Variants in CCSER1 observed in about 807,000 individuals in gnomAD.
CCSER1 encodes coiled-coil serine rich protein 1.
A neutral mutation model predicts 82.0 loss-of-function variants in CCSER1; 41 were observed. That is an observed-to-expected ratio of 0.50 (90% CI 0.39 to 0.65). The LOEUF (loss-of-function observed/expected upper bound fraction) is 0.65, where lower values mean the gene tolerates loss of function less well. Ranked by LOEUF, CCSER1 falls within the 30% of genes least tolerant of loss-of-function variation. The pLI is 0.00. For missense variants in CCSER1, 1,119 were observed against 1,064.2 expected (o/e 1.05, Z -0.72); for synonymous variants, 414 against 383.9 (o/e 1.08, Z -0.92).
intron 10 of CCSER1, among the ~76,000 whole-genome samples, chr4:91,539,242 T>C (rs1309757626): frequency 1.3e-5 from 2 of 152,078 alleles, no homozygotes; most frequent in Non-Finnish European, 2.9e-5. Context: ...TTAACTTGTG[T>C]TTGATTAATA....
At chr4:90,504,762 T>C (rs1335753570) in intron 5 of CCSER1, among the ~76,000 whole-genome samples, 1 of 152,068 alleles carries the variant, frequency 6.6e-6, no homozygotes, top group Non-Finnish European at 1.5e-5. Flanking sequence ...GACTTTAGGA[T>C]AGAAAACAAG....
intron 1 of CCSER1, among the ~76,000 whole-genome samples, chr4:90,271,848 ATATATATATATATATTTTTT>A (rs1451338493): frequency 8.6e-5 from 2 of 23,352 alleles, no homozygotes; most frequent in East Asian, 1.8e-3. Flanking sequence ...ATATATATAT[ATATATATATATATATTTTTT>A]TTTTTTTTTT....
intron 10 of CCSER1, among the ~76,000 whole-genome samples, chr4:91,566,616 A>G (rs1276975547): frequency 6.6e-6 from 1 of 151,930 alleles, no homozygotes; most frequent in Non-Finnish European, 1.5e-5. Flanking sequence ...CTCAGTCTTG[A>G]GAGGATGTAT....
At chr4:90,713,835 C>T (rs573457686) in intron 6 of CCSER1, among the ~76,000 whole-genome samples, 6 of 151,974 alleles carry the variant, frequency 3.9e-5, no homozygotes, top group South Asian at 4.2e-4. Flanking sequence ...AGGTTTTGTT[C>T]ATTTATTTTC....
At chr4:91,367,149 A>AG (rs956227533) in intron 10 of CCSER1, among the ~76,000 whole-genome samples, 3 of 148,708 alleles carry the variant, frequency 2.0e-5, no homozygotes, top group Non-Finnish European at 4.5e-5. Context: ...AAAAAAAAAA[A>AG]AGAGAAAAAA....
At chr4:91,249,135 A>G (rs1189442735) in intron 10 of CCSER1, among the ~76,000 whole-genome samples, 2 of 152,160 alleles carry the variant, frequency 1.3e-5, no homozygotes, top group African/African-American at 4.8e-5. Flanking sequence ...ATCAGAAACT[A>G]TTCTAAAATA....
chr4:91,171,647 A>G (rs574000140), intron 10 of CCSER1, among the ~76,000 whole-genome samples: 1 of 152,068 alleles, frequency 6.6e-6, no homozygotes, highest in African/African-American at 2.4e-5. Context: ...ATTGAGCTCA[A>G]TTTTTCATTC....
intron 10 of CCSER1, among the ~76,000 whole-genome samples, chr4:91,540,143 T>C (rs1365276209): frequency 1.3e-5 from 2 of 152,114 alleles, no homozygotes; most frequent in East Asian, 1.9e-4. Flanking sequence ...CCATGTATCA[T>C]TGGTTCCTCT....
intron 10 of CCSER1, among the ~76,000 whole-genome samples, chr4:91,186,408 G>A (rs539999342): frequency 3.3e-5 from 5 of 152,104 alleles, no homozygotes; most frequent in South Asian, 2.1e-4. Context: ...CTCACCACAG[G>A]GATTGCTTTA....
chr4:90,774,990 A>G (rs570709983), intron 7 of CCSER1, among the ~76,000 whole-genome samples: 2 of 152,156 alleles, frequency 1.3e-5, no homozygotes, highest in African/African-American at 2.4e-5. Context: ...TTGCTAATCA[A>G]TGTTGTAAAT....
intron 3 of CCSER1, among the ~76,000 whole-genome samples, chr4:90,385,708 G>A (rs532978429): frequency 1.3e-5 from 2 of 151,938 alleles, no homozygotes; most frequent in Non-Finnish European, 1.5e-5. Flanking sequence ...TGATCTCAGT[G>A]TAGTTTTAAT....
chr4:90,994,802 ATTTC>A (rs1416543528), intron 9 of CCSER1, among the ~76,000 whole-genome samples: 29 of 152,078 alleles, frequency 1.9e-4, no homozygotes, highest in African/African-American at 7.0e-4. Context: ...GGAAAAGCCT[ATTTC>A]TTTGCTGATT....
intron 10 of CCSER1, among the ~76,000 whole-genome samples, chr4:91,159,519 A>G (rs1396699246): frequency 1.3e-5 from 2 of 151,934 alleles, no homozygotes; most frequent in Non-Finnish European, 2.9e-5. Flanking sequence ...ATAAATATTA[A>G]TTATTAATAT....
At chr4:90,819,884 G>T (rs1014467220) in intron 8 of CCSER1, among the ~76,000 whole-genome samples, 1 of 152,198 alleles carries the variant, frequency 6.6e-6, no homozygotes, top group Non-Finnish European at 1.5e-5. Flanking sequence ...GATATTAAAT[G>T]TTAGAATATT....
At chr4:90,582,998 A>G (rs935862146) in intron 5 of CCSER1, among the ~76,000 whole-genome samples, 2 of 152,174 alleles carry the variant, frequency 1.3e-5, no homozygotes, top group Non-Finnish European at 2.9e-5. Flanking sequence ...GTTCTTAAAT[A>G]CATTCAGTTT....
intron 1 of CCSER1, among the ~76,000 whole-genome samples, chr4:90,266,759 C>A (rs1725305264): frequency 6.6e-6 from 1 of 151,938 alleles, no homozygotes; most frequent in Non-Finnish European, 1.5e-5. Context: ...AGAGAAATTG[C>A]CCATTCCTGG....
chr4:90,391,675 G>T lies in CCSER1; in HGVS notation c.1510-8361G>T, dbSNP rs1004565600. Reference sequence around the variant, plus strand: ...GTAGTGTGTAGAACAAATTATAAATGAGAGTTGAGGAACTAGAATGGTGGC... The same window carrying T: ...GTAGTGTGTAGAACAAATTATAAATTAGAGTTGAGGAACTAGAATGGTGGC... On this transcript the variant is annotated intron_variant, in intron 3 of 10. Transcript: ENST00000509176. Among the ~76,000 whole-genome samples, 7 of 151,298 alleles carry T rather than the reference G, an allele frequency of 4.6e-5. No individual in the cohort carries two copies. The East Asian group carries it at 1.4e-3, about 29-fold the overall frequency.
chr4:91,463,546 A>C (rs1756645980), intron 10 of CCSER1, among the ~76,000 whole-genome samples: 2 of 152,190 alleles, frequency 1.3e-5, no homozygotes, highest in South Asian at 4.1e-4. Flanking sequence ...TCAGACGATC[A>C]AACTTCTCTG....
chr4:91,059,302 A>G (rs1431729657), intron 9 of CCSER1, among the ~76,000 whole-genome samples: 1 of 81,896 alleles, frequency 1.2e-5, no homozygotes, highest in Non-Finnish European at 2.8e-5. Context: ...GTGTGTATAT[A>G]TATACGTGTA....
Sources: allele counts gnomAD v4.1 joint callset (sites outside exome capture counted in the v4.1 genomes callset), GRCh38; gene constraint gnomAD v4.1.1; transcripts MANE v1.5; gene names NCBI Gene and HGNC (gene_info 2026-07-23, HGNC 2026-07-21).